Variants in SLC38A8 observed in about 807,000 individuals in gnomAD.
The protein encoded by SLC38A8 is amino acid transporter SLC38A8.
Under a neutral mutation model 46.0 loss-of-function variants are expected in SLC38A8, and 65 were observed. The ratio of observed to expected loss-of-function variants is 1.41; its 90% CI spans 1.16 to 1.74. The LOEUF (loss-of-function observed/expected upper bound fraction) is 1.74. SLC38A8 is among the 40% of genes most tolerant of loss of function. The pLI is 0.00. For synonymous variants in SLC38A8, 447 were observed against 243.7 expected (o/e 1.83, Z -7.77); for missense variants, 998 against 567.9 (o/e 1.76, Z -7.70).
At chr16:84,017,420 G>C (rs1278140547) in intron 7 of SLC38A8, 133 bp from the exon 8 acceptor site, 2 of 1,072,970 alleles carry the variant, frequency 1.9e-6, no homozygotes, top group African/African-American at 3.2e-5. Flanking sequence ...TTCTGGAAGG[G>C]ATAGCCCAAA....
intron 3 of SLC38A8, among the ~76,000 whole-genome samples, chr16:84,035,770 C>T (rs2085293521): frequency 6.6e-6 from 1 of 152,308 alleles, no homozygotes; most frequent in South Asian, 2.1e-4. Flanking sequence ...AAGGATATAC[C>T]TAGAGTTTCA....
chr16:84,013,867 C>A (rs1039242511), intron 9 of SLC38A8, among the ~76,000 whole-genome samples: 1 of 152,188 alleles, frequency 6.6e-6, no homozygotes, highest in African/African-American at 2.4e-5. Flanking sequence ...AGCGCTACAA[C>A]TGGCCACCTG....
At chr16:84,011,078 T>C (rs777756481) in intron 10 of SLC38A8, among the ~76,000 whole-genome samples, 1 of 152,192 alleles carries the variant, frequency 6.6e-6, no homozygotes, top group African/African-American at 2.4e-5. Flanking sequence ...GGCCGGGTTG[T>C]CATGGAAGGA....
chr16:84,023,450 C>G (rs573878593), intron 6 of SLC38A8, among the ~76,000 whole-genome samples: 1 of 152,018 alleles, frequency 6.6e-6, no homozygotes, highest in African/African-American at 2.4e-5. Flanking sequence ...AGATTTTGAG[C>G]GTTATTCCCA....
intron 7 of SLC38A8, among the ~76,000 whole-genome samples, chr16:84,017,947 T>C (rs1343940897): frequency 6.6e-6 from 1 of 152,158 alleles, no homozygotes; most frequent in African/African-American, 2.4e-5. Flanking sequence ...ACCCAGGGGC[T>C]ACAGACTGAT....
chr16:84,022,033 G>C (rs958023287), intron 7 of SLC38A8, among the ~76,000 whole-genome samples: 1 of 152,188 alleles, frequency 6.6e-6, no homozygotes, highest in Non-Finnish European at 1.5e-5. Flanking sequence ...TGAGGGCAGA[G>C]GCCTCATGCC....
At chr16:84,023,473 T>C (rs913377083) in intron 6 of SLC38A8, among the ~76,000 whole-genome samples, 4 of 152,122 alleles carry the variant, frequency 2.6e-5, no homozygotes, top group African/African-American at 9.7e-5. Flanking sequence ...AGAACCCACA[T>C]GCCCACCAAG....
intron 2 of SLC38A8, 69 bp downstream of exon 2, chr16:84,041,900 A>T: frequency 7.1e-7 from 1 of 1,416,764 alleles, no homozygotes; most frequent in Non-Finnish European, 9.5e-7. Flanking sequence ...AAGCAATGCG[A>T]GGAACCCCAC....
chr16:84,033,478 G>A lies in SLC38A8; in HGVS notation c.389-9C>T. ...CAGGAGGGAGTCACACACTGCCAGAGACACGGGGAGAGCTGAGCCACAGAG... is the reference window on the plus strand; with the variant it reads ...CAGGAGGGAGTCACACACTGCCAGAAACACGGGGAGAGCTGAGCCACAGAG... On this transcript the variant is annotated splice_polypyrimidine_tract_variant and intron_variant, in intron 3 of 10. Coordinates refer to ENST00000299709, the MANE Select transcript of SLC38A8 (RefSeq NM_001080442.3). 1 of 1,589,990 alleles carries A rather than the reference G, an allele frequency of 6.3e-7. No homozygotes were observed. The highest frequency in any genetic ancestry group is 8.6e-7 in the Non-Finnish European group (1 of 1,168,864).
intron 6 of SLC38A8, among the ~76,000 whole-genome samples, chr16:84,028,225 G>C (rs950258650): frequency 5.9e-5 from 9 of 152,120 alleles, no homozygotes; most frequent in African/African-American, 1.9e-4. Flanking sequence ...GGTTTTGTTG[G>C]TGCTGGTGGT....
intron 7 of SLC38A8, among the ~76,000 whole-genome samples, chr16:84,018,597 G>C: frequency 6.6e-6 from 1 of 152,142 alleles, no homozygotes; most frequent in Non-Finnish European, 1.5e-5. Context: ...AATCCATTAA[G>C]CCCCTGCCCC....
chr16:84,011,397 A>G (rs2084951393), intron 10 of SLC38A8, among the ~76,000 whole-genome samples: 1 of 152,222 alleles, frequency 6.6e-6, no homozygotes, highest in Non-Finnish European at 1.5e-5. Flanking sequence ...AGGCAGGTTT[A>G]GAAACATCCA....
intron 6 of SLC38A8, among the ~76,000 whole-genome samples, chr16:84,027,344 C>A (rs1056962465): frequency 7.3e-5 from 11 of 151,618 alleles, no homozygotes; most frequent in Non-Finnish European, 1.3e-4. Context: ...AGCAAGTCTG[C>A]CACAAAAGCA....
rs772270380 is a variant in SLC38A8, at chr16:84,012,996, C to T, written c.1214+5G>A. 6.2e-7 allele frequency: 1 copy of T among 1,614,116 alleles called. No individual in the cohort carries two copies. The highest frequency in any genetic ancestry group is 8.5e-7 in the Non-Finnish European group (1 of 1,179,970). On this transcript the variant is annotated splice_donor_5th_base_variant and intron_variant, in intron 10 of 10. Transcript: ENST00000299709. ...AGGGTGCCACCTCATCTTAGGGACACTTACTTGACTCTTGGTCCTATAGGC... is the reference window on the plus strand; with the variant it reads ...AGGGTGCCACCTCATCTTAGGGACATTTACTTGACTCTTGGTCCTATAGGC...
chr16:84,034,480 G>C (rs571718862), intron 3 of SLC38A8, among the ~76,000 whole-genome samples: 3 of 152,318 alleles, frequency 2.0e-5, no homozygotes, highest in Admixed American at 6.5e-5. Context: ...GGAGGTGGGA[G>C]CCACTGGGAA....
At chr16:84,033,217 T>G in intron 4 of SLC38A8, 111 bp downstream of exon 4, 2 of 1,455,458 alleles carry the variant, frequency 1.4e-6, no homozygotes, top group Non-Finnish European at 1.9e-6. Context: ...TTTCCCCTTC[T>G]CCAAATGTGA....
intron 7 of SLC38A8, among the ~76,000 whole-genome samples, chr16:84,020,046 G>C (rs2085077263): frequency 6.6e-6 from 1 of 152,212 alleles, no homozygotes; most frequent in Non-Finnish European, 1.5e-5. Flanking sequence ...GCAGTTTGTA[G>C]TCCCAGTGGC....
intron 10 of SLC38A8, among the ~76,000 whole-genome samples, chr16:84,012,436 G>C (rs570783361): frequency 1.4e-4 from 21 of 152,368 alleles, no homozygotes; most frequent in Admixed American, 2.0e-4. Flanking sequence ...TGCCAGGCAG[G>C]TGGGTTAGCA....
chr16:84,012,933 T>C (rs564492410), intron 10 of SLC38A8, 68 bp downstream of exon 10: 8 of 1,525,222 alleles, frequency 5.2e-6, no homozygotes, highest in African/African-American at 4.1e-5. Flanking sequence ...ATCTGCAGGG[T>C]CCCCTGAAAC....
Sources: gnomAD v4.1 joint callset for allele counts (sites outside exome capture counted in the v4.1 genomes callset) on GRCh38, gnomAD v4.1.1 for gene constraint, MANE v1.5 for transcripts, NCBI Gene and HGNC (gene_info 2026-07-23, HGNC 2026-07-21) for gene names.